Variants in DSCAML1 observed in about 807,000 individuals in gnomAD.
DSCAML1 encodes the protein DS cell adhesion molecule like 1, also known as cell adhesion molecule DSCAML1.
In DSCAML1, 38 loss-of-function variants were observed where a neutral mutation model predicts 200.5. The ratio of observed to expected loss-of-function variants is 0.19; its 90% CI spans 0.15 to 0.25. DSCAML1 has a LOEUF of 0.25. Ranked by LOEUF, DSCAML1 falls within the 10% of genes least tolerant of loss-of-function variation. The pLI, the probability that DSCAML1 is intolerant of heterozygous loss-of-function variation, is 1.00. For missense variants in DSCAML1, 2,223 were observed against 2,858.8 expected (o/e 0.78, Z 5.07); for synonymous variants, 1,215 against 1,165.0 (o/e 1.04, Z -0.87).
intron 3 of DSCAML1, among the ~76,000 whole-genome samples, chr11:117,682,633 T>C (rs1398010829): frequency 6.6e-6 from 1 of 152,062 alleles, no homozygotes; most frequent in Non-Finnish European, 1.5e-5. Context: ...TGACACCCCC[T>C]CCAGCCCATG....
intron 3 of DSCAML1, among the ~76,000 whole-genome samples, chr11:117,638,737 C>A (rs945993792): frequency 3.3e-5 from 5 of 152,160 alleles, no homozygotes; most frequent in Admixed American, 2.6e-4. Context: ...AATAATATTC[C>A]ATTGTCTGGA....
At chr11:117,491,998 C>T (rs2049190963) in intron 11 of DSCAML1, among the ~76,000 whole-genome samples, 1 of 152,120 alleles carries the variant, frequency 6.6e-6, no homozygotes, top group African/African-American at 2.4e-5. Flanking sequence ...AGGAGGTTCT[C>T]AGGCCTGGCT....
At chr11:117,568,914 C>T (rs2050800703) in intron 3 of DSCAML1, among the ~76,000 whole-genome samples, 1 of 152,176 alleles carries the variant, frequency 6.6e-6, no homozygotes, top group Admixed American at 6.5e-5. Flanking sequence ...ATCACCAAGT[C>T]AATCCTAAGC....
At chr11:117,507,375 G>T (rs1240442478) in intron 8 of DSCAML1, among the ~76,000 whole-genome samples, 1 of 152,148 alleles carries the variant, frequency 6.6e-6, no homozygotes, top group Non-Finnish European at 1.5e-5. Flanking sequence ...GGGCAAAGAC[G>T]GATGGCATCA....
At chr11:117,602,797 A>G (rs2051489043) in intron 3 of DSCAML1, among the ~76,000 whole-genome samples, 1 of 152,106 alleles carries the variant, frequency 6.6e-6, no homozygotes, top group African/African-American at 2.4e-5. Context: ...ATAGGAATTC[A>G]CACACAAGTA....
At chr11:117,545,967 G>A (rs1005631565) in intron 3 of DSCAML1, among the ~76,000 whole-genome samples, 6 of 152,232 alleles carry the variant, frequency 3.9e-5, no homozygotes, top group Non-Finnish European at 8.8e-5. Context: ...GGGTGGACAC[G>A]CCTGGGTCAG....
intron 18 of DSCAML1, among the ~76,000 whole-genome samples, chr11:117,460,110 G>A (rs747540043): frequency 1.1e-4 from 17 of 152,258 alleles, no homozygotes; most frequent in Non-Finnish European, 1.8e-4. Flanking sequence ...TAGGGGCTAA[G>A]CTGGAGAAGC....
intron 3 of DSCAML1, among the ~76,000 whole-genome samples, chr11:117,559,226 A>G (rs996069373): frequency 3.9e-5 from 6 of 152,334 alleles, no homozygotes; most frequent in African/African-American, 1.4e-4. Flanking sequence ...GCCGACCGCC[A>G]TCATGTACAG....
chr11:117,435,661 C>T lies in DSCAML1; in HGVS notation c.4859G>A (p.Arg1620Gln), dbSNP rs566658468. 4.4e-6 allele frequency: 7 copies of T among 1,600,570 alleles called. No homozygotes were observed. Among genetic ancestry groups the T allele is most frequent in the Admixed American group, 1.7e-5 (1 of 59,736 alleles). Reference sequence around the variant, plus strand: ...TCCCCCACCTCGGAGTCGCTTCAGCCGTTTCTCCTTCCTCTTCTTGCGTAC... The same window carrying T: ...TCCCCCACCTCGGAGTCGCTTCAGCTGTTTCTCCTTCCTCTTCTTGCGTAC... ...FIVRKKRKEK[R>Q]LKRLRDAKSL... Residue 1620 changes from arginine to glutamine, a missense_variant, in exon 27 of 33, where the codon CGG becomes CAG. Transcript: ENST00000651296.
intron 19 of DSCAML1, among the ~76,000 whole-genome samples, chr11:117,451,151 C>T (rs1412518002): frequency 6.6e-6 from 1 of 152,112 alleles, no homozygotes; most frequent in Non-Finnish European, 1.5e-5. Flanking sequence ...GAGCCCAGGG[C>T]ATTGCCCTTG....
intron 32 of DSCAML1, among the ~76,000 whole-genome samples, chr11:117,429,225 C>G (rs911824371): frequency 6.6e-6 from 1 of 152,142 alleles, no homozygotes; most frequent in Admixed American, 6.5e-5. Context: ...TTTCTTTACC[C>G]TGAGGAGGAA....
rs550754227 is a variant in DSCAML1 at position 117,609,031 on chromosome 11, CA to C, written c.512-76510del. 6.7e-3 allele frequency among the ~76,000 whole-genome samples: 840 copies of C among 124,504 alleles called. 3 individuals are homozygous for C. The highest frequency in any genetic ancestry group is 9.8e-3 in the Admixed American group (128 of 13,014). 81.7% of individuals were successfully genotyped at this position (124,504 alleles called of 152,430 possible). The stretch of plus-strand genomic sequence containing the variant: ...ACAAACAAACAAACAAACAAACAAA[CA>C]AACAAAAAAAACAAAAATTGTCTGG... On this transcript the variant is annotated intron_variant, in intron 3 of 32. Coordinates refer to ENST00000651296, the MANE Select transcript of DSCAML1 (RefSeq NM_020693.4).
chr11:117,626,344 C>G (rs1473442000), intron 3 of DSCAML1, among the ~76,000 whole-genome samples: 1 of 152,128 alleles, frequency 6.6e-6, no homozygotes, highest in African/African-American at 2.4e-5. Context: ...CAGAAAGGAC[C>G]CTGTGCCATG....
chr11:117,777,374 A>T (rs1170105534), intron 2 of DSCAML1, among the ~76,000 whole-genome samples: 1 of 152,238 alleles, frequency 6.6e-6, no homozygotes, highest in Non-Finnish European at 1.5e-5. Flanking sequence ...GATTTCCTGC[A>T]TTATTGCTGG....
At chr11:117,432,305 G>A in intron 30 of DSCAML1, 47 bp downstream of exon 30, 14 of 1,569,038 alleles carry the variant, frequency 8.9e-6, no homozygotes, top group Non-Finnish European at 1.2e-5. Context: ...CTATGCCCAA[G>A]CCACCCCGGT....
At chr11:117,513,953 C>T (rs963680849) in intron 8 of DSCAML1, among the ~76,000 whole-genome samples, 6 of 152,182 alleles carry the variant, frequency 3.9e-5, no homozygotes, top group African/African-American at 1.4e-4. Flanking sequence ...TCCACTGCCA[C>T]GTTCAGTCCT....
At chr11:117,740,710 T>C (rs541167449) in intron 3 of DSCAML1, among the ~76,000 whole-genome samples, 15 of 152,344 alleles carry the variant, frequency 9.8e-5, no homozygotes, top group African/African-American at 3.4e-4. Context: ...ACAAGCCTCG[T>C]CTTAGCAAGG....
At chr11:117,570,411 T>C (rs1003525385) in intron 3 of DSCAML1, among the ~76,000 whole-genome samples, 1 of 152,196 alleles carries the variant, frequency 6.6e-6, no homozygotes. Context: ...CTGGTTTGCT[T>C]TCTTCACAGC....
At chr11:117,456,040 G>A (rs180880954) in intron 19 of DSCAML1, among the ~76,000 whole-genome samples, 3 of 152,322 alleles carry the variant, frequency 2.0e-5, no homozygotes, top group Admixed American at 6.5e-5. Context: ...TTTGGTGACT[G>A]TCTTAGCAAG....
Sources: allele counts gnomAD v4.1 joint callset (sites outside exome capture counted in the v4.1 genomes callset), GRCh38; gene constraint gnomAD v4.1.1; transcripts MANE v1.5; gene names NCBI Gene and HGNC (gene_info 2026-07-23, HGNC 2026-07-21).